Variants in METAP2 observed in about 807,000 individuals in gnomAD.
METAP2 encodes methionine aminopeptidase 2.
METAP2 carries 25 observed loss-of-function variants against 59.4 expected under a neutral mutation model. The ratio of observed to expected loss-of-function variants is 0.42; its 90% confidence interval spans 0.31 to 0.59. The LOEUF (loss-of-function observed/expected upper bound fraction) is 0.59. Among genes scored for constraint, METAP2 ranks in the 20% least tolerant of loss-of-function variants. The pLI is 0.16. For missense variants in METAP2, 366 were observed against 581.2 expected, an observed-to-expected ratio of 0.63 and a Z score of 3.81; for synonymous variants, 214 against 194.1, an observed-to-expected ratio of 1.10 and a Z score of -0.85.
At chr12:95,512,981 T>TA in intron 10 of METAP2, 65 bp downstream of exon 10, 2 of 946,850 alleles carry the variant, frequency 2.1e-6, no homozygotes, top group Non-Finnish European at 3.3e-6. Flanking sequence ...ACAGCATTTC[T>TA]AAAAAATGTG....
intron 2 of METAP2, among the ~76,000 whole-genome samples, chr12:95,479,122 G>C (rs1036178764): frequency 6.6e-6 from 1 of 152,180 alleles, no homozygotes; most frequent in African/African-American, 2.4e-5. Context: ...GGCTTTACCT[G>C]TATACAGGGT....
chr12:95,477,837 A>G (rs1214141111), intron 2 of METAP2, among the ~76,000 whole-genome samples: 1 of 152,234 alleles, frequency 6.6e-6, no homozygotes, highest in Non-Finnish European at 1.5e-5. Context: ...AAGTGCCAAG[A>G]TTCAAGGGAA....
At chr12:95,480,878 G>A (rs1349249253) in intron 2 of METAP2, among the ~76,000 whole-genome samples, 3 of 152,110 alleles carry the variant, frequency 2.0e-5, no homozygotes, top group African/African-American at 7.2e-5. Context: ...TAAATTTATG[G>A]GTAGTGCTTT....
chr12:95,506,185 G>A (rs1167077905), intron 8 of METAP2, among the ~76,000 whole-genome samples: 4 of 152,040 alleles, frequency 2.6e-5, no homozygotes, highest in East Asian at 1.9e-4. Flanking sequence ...TCAAGCACTC[G>A]GTGGAGTGCG....
intron 1 of METAP2, among the ~76,000 whole-genome samples, chr12:95,475,421 C>T (rs1189068363): frequency 2.0e-5 from 3 of 152,162 alleles, no homozygotes; most frequent in Admixed American, 1.3e-4. Flanking sequence ...AGGTGTTAAG[C>T]TGACTGATCC....
intron 6 of METAP2, 40 bp downstream of exon 6, chr12:95,495,178 G>GA (rs1310309749): frequency 6.6e-7 from 1 of 1,523,506 alleles, no homozygotes; most frequent in African/African-American, 1.4e-5. Flanking sequence ...GCCTCCTCCT[G>GA]AAAAACTAGT....
chr12:95,497,288 T>G (rs1427110660), intron 7 of METAP2, among the ~76,000 whole-genome samples: 1 of 152,210 alleles, frequency 6.6e-6, no homozygotes, highest in African/African-American at 2.4e-5. Context: ...GCAACCACCA[T>G]TCTACTATAT....
chr12:95,492,207 C>CCCTGGATT (rs1287481125), intron 4 of METAP2, among the ~76,000 whole-genome samples: 5 of 151,940 alleles, frequency 3.3e-5, no homozygotes, highest in Admixed American at 3.3e-4. Context: ...CACTGTGTCA[C>CCCTGGATT]CCTGGATTGT....
At chr12:95,474,720 C>G (rs901275477) in intron 1 of METAP2, among the ~76,000 whole-genome samples, 1 of 152,140 alleles carries the variant, frequency 6.6e-6, no homozygotes, top group Non-Finnish European at 1.5e-5. Flanking sequence ...TCCGTATTGC[C>G]GCGTCTTTGC....
At chr12:95,474,672 C>T (rs1379326049) in intron 1 of METAP2, among the ~76,000 whole-genome samples, 3 of 152,200 alleles carry the variant, frequency 2.0e-5, no homozygotes, top group Admixed American at 1.3e-4. Context: ...TACCATCTTT[C>T]GCGCGATTTG....
intron 4 of METAP2, among the ~76,000 whole-genome samples, chr12:95,492,034 C>G (rs1334529347): frequency 2.0e-5 from 3 of 152,008 alleles, no homozygotes; most frequent in Non-Finnish European, 4.4e-5. Context: ...CCTTGAACTT[C>G]TGGGCTCAAA....
At chr12:95,510,467 G>A (rs1394388766) in intron 8 of METAP2, among the ~76,000 whole-genome samples, 1 of 152,164 alleles carries the variant, frequency 6.6e-6, no homozygotes, top group African/African-American at 2.4e-5. Context: ...GAGAGAGAGA[G>A]CAAGAAATGG....
At chr12:95,493,102 AT>A (rs997750103) in intron 4 of METAP2, among the ~76,000 whole-genome samples, 116 of 149,670 alleles carry the variant, frequency 7.8e-4, no homozygotes, top group African/African-American at 2.4e-3. Flanking sequence ...AATTGTTTAG[AT>A]TTTTTTTTTT....
intron 7 of METAP2, among the ~76,000 whole-genome samples, chr12:95,496,333 A>G (rs1043627915): frequency 6.6e-6 from 1 of 152,136 alleles, no homozygotes; most frequent in African/African-American, 2.4e-5. Context: ...AAAATTTATT[A>G]AAACAGAGTT....
intron 8 of METAP2, among the ~76,000 whole-genome samples, chr12:95,507,307 C>T (rs767192124): frequency 3.5e-4 from 53 of 152,262 alleles, no homozygotes; most frequent in Non-Finnish European, 4.4e-4. Context: ...GTCCCCTTCT[C>T]ACCCCAATTC....
intron 8 of METAP2, among the ~76,000 whole-genome samples, chr12:95,504,533 G>A (rs148056954): frequency 9.9e-5 from 15 of 152,278 alleles, no homozygotes; most frequent in Admixed American, 5.2e-4. Context: ...GTCTCGTTCC[G>A]TCATCCAGGC....
chr12:95,514,007 C>G lies in METAP2; in HGVS notation c.*103C>G. The G allele has an allele frequency of 8.0e-7, 1 of 1,254,328 alleles. No individual in the cohort carries two copies. Among genetic ancestry groups the G allele is most frequent in the Non-Finnish European group, 1.1e-6 (1 of 918,236 alleles). 77.7% of individuals were successfully genotyped at this position (1,254,328 alleles called of 1,614,324 possible). On this transcript the variant is annotated 3_prime_UTR_variant, in exon 11 of 11. Coordinates refer to ENST00000323666, the MANE Select transcript of METAP2 (RefSeq NM_006838.4). ...ATGTTGTCTGTTTTAACAGTGGACC[C>G]ATGTAATACTTTTATCCATGTTTAA...
In METAP2 at chr12:95,513,957, C is replaced by A; in HGVS notation, c.*53C>A. ...TTATTTTCTGAGCTTTGTTGGAAAA[C>A]ATGATACCAGAATTAATTTGCCACA... On this transcript the variant is annotated 3_prime_UTR_variant, in exon 11 of 11. Transcript: ENST00000323666. 6.5e-7 allele frequency: 1 copy of A among 1,544,784 alleles called. No homozygotes were observed. The highest frequency in any genetic ancestry group is 8.8e-7 in the Non-Finnish European group (1 of 1,142,614).
Position 95,511,920 on chromosome 12 carries a change from A to G in METAP2, c.990A>G (p.Gly330=), listed in dbSNP as rs757091265. ...YQVKPIRNLN[G]HSIGQYRIHA... ...TGAAACCAATCCGTAATCTAAATGG[A>G]CATTCAATTGGGCAATATAGAATAC... is the stretch of plus-strand genomic sequence containing the variant. Residue 330 remains glycine, a synonymous_variant, in exon 9 of 11, where the codon GGA becomes GGG. Transcript: ENST00000323666. The G allele has an allele frequency of 3.7e-6, 6 of 1,611,064 alleles. No homozygotes were observed. In the South Asian group the frequency reaches 4.4e-5, roughly 12 times the overall value.
Sources: allele counts gnomAD v4.1 joint callset (sites outside exome capture counted in the v4.1 genomes callset), GRCh38; gene constraint gnomAD v4.1.1; transcripts MANE v1.5; gene names NCBI Gene and HGNC (gene_info 2026-07-23, HGNC 2026-07-21).